The following NR3C2 variants were observed in gnomAD, a reference collection of about 807,000 sequenced individuals.
The protein encoded by NR3C2 is nuclear receptor subfamily 3 group C member 2.
A neutral mutation model predicts 86.4 loss-of-function variants in NR3C2; 15 were observed. The ratio of observed to expected loss-of-function variants is 0.17; its 90% CI spans 0.12 to 0.27. The LOEUF (loss-of-function observed/expected upper bound fraction) is 0.27, where lower values mean the gene tolerates loss of function less well. NR3C2 is among the 10% of genes least tolerant of loss of function. The probability of loss-of-function intolerance (pLI) is 1.00; values close to 1 mark genes in which losing one functional copy is unlikely to be tolerated. For synonymous variants in NR3C2, 458 were observed against 450.5 expected, an observed-to-expected ratio of 1.02 and a Z score of -0.21; for missense variants, 960 against 1,195.6, an observed-to-expected ratio of 0.80 and a Z score of 2.91.
chr4:148,278,473 CA>C (rs1391916510), intron 2 of NR3C2, among the ~76,000 whole-genome samples: 1 of 152,120 alleles, frequency 6.6e-6, no homozygotes, highest in East Asian at 1.9e-4. Flanking sequence ...AAATGATGTG[CA>C]AAAAACTTTC....
At chr4:148,184,788 C>G (rs1735815336) in intron 4 of NR3C2, among the ~76,000 whole-genome samples, 3 of 152,188 alleles carry the variant, frequency 2.0e-5, no homozygotes, top group Admixed American at 2.0e-4. Flanking sequence ...CACTCACATA[C>G]TACAGAGGGT....
chr4:148,226,031 T>C (rs541179099), intron 3 of NR3C2, among the ~76,000 whole-genome samples: 1 of 152,200 alleles, frequency 6.6e-6, no homozygotes, highest in Non-Finnish European at 1.5e-5. Flanking sequence ...TCCTAAGATA[T>C]GTGTAATCAG....
At chr4:148,265,092 A>G (rs567516506) in intron 2 of NR3C2, among the ~76,000 whole-genome samples, 1 of 152,344 alleles carries the variant, frequency 6.6e-6, no homozygotes, top group South Asian at 2.1e-4. Context: ...AAGGTAGTTC[A>G]GAGGATTTTA....
chr4:148,280,287 C>T (rs980113920), intron 2 of NR3C2, among the ~76,000 whole-genome samples: 1 of 152,020 alleles, frequency 6.6e-6, no homozygotes, highest in Non-Finnish European at 1.5e-5. Context: ...ATCCTATTTC[C>T]CTGGAGAAAT....
At chr4:148,437,274 TG>T (rs948012657) in intron 1 of NR3C2, among the ~76,000 whole-genome samples, 2 of 152,164 alleles carry the variant, frequency 1.3e-5, no homozygotes, top group Non-Finnish European at 2.9e-5. Context: ...GTGACAAAGT[TG>T]GGTTTAAATC....
chr4:148,254,521 C>T (rs967933473), intron 3 of NR3C2, among the ~76,000 whole-genome samples: 51 of 152,282 alleles, frequency 3.3e-4, no homozygotes, highest in Middle Eastern at 3.4e-3. Context: ...TATGTGTTCC[C>T]ATAACAACCA....
chr4:148,088,683 G>A (rs1730926546), intron 8 of NR3C2, among the ~76,000 whole-genome samples: 1 of 151,828 alleles, frequency 6.6e-6, no homozygotes, highest in African/African-American at 2.4e-5. Flanking sequence ...ATGGACACAG[G>A]GAGGGGAACA....
chr4:148,396,132 A>C (rs1747847497), intron 2 of NR3C2, among the ~76,000 whole-genome samples: 1 of 152,262 alleles, frequency 6.6e-6, no homozygotes, highest in Admixed American at 6.5e-5. Context: ...CAAATGTCTA[A>C]AACAAAATAG....
chr4:148,122,716 A>G (rs188624547), intron 6 of NR3C2, among the ~76,000 whole-genome samples: 1 of 152,292 alleles, frequency 6.6e-6, no homozygotes, highest in African/African-American at 2.4e-5. Context: ...TCATTTTAAT[A>G]TGGACATTTA....
At chr4:148,367,729 C>T (rs942307057) in intron 2 of NR3C2, among the ~76,000 whole-genome samples, 8 of 151,900 alleles carry the variant, frequency 5.3e-5, no homozygotes, top group African/African-American at 1.9e-4. Flanking sequence ...AAGATTTATG[C>T]TCAGCATTAC....
intron 2 of NR3C2, among the ~76,000 whole-genome samples, chr4:148,272,207 A>G (rs949799008): frequency 3.4e-4 from 52 of 152,214 alleles, no homozygotes; most frequent in African/African-American, 1.2e-3. Context: ...CCTGGAAAGT[A>G]AAGGAATATT....
chr4:148,134,810 G>A (rs1264476418), intron 6 of NR3C2, among the ~76,000 whole-genome samples: 3 of 151,050 alleles, frequency 2.0e-5, no homozygotes, highest in South Asian at 2.1e-4. Context: ...CACCTTGCCC[G>A]GCTAATTTTT....
chr4:148,279,564 A>G (rs775641523), intron 2 of NR3C2, among the ~76,000 whole-genome samples: 1 of 152,344 alleles, frequency 6.6e-6, no homozygotes, highest in Non-Finnish European at 1.5e-5. Flanking sequence ...TATCAACCAG[A>G]AAGATTCAAA....
chr4:148,116,440 G>A (rs1334488158), intron 7 of NR3C2, among the ~76,000 whole-genome samples: 1 of 152,190 alleles, frequency 6.6e-6, no homozygotes, highest in Non-Finnish European at 1.5e-5. Flanking sequence ...ATGCAGCAGA[G>A]CTGCTGGAAA....
At chr4:148,441,914 C>G (rs1750361400) in intron 1 of NR3C2, among the ~76,000 whole-genome samples, 2 of 152,224 alleles carry the variant, frequency 1.3e-5, no homozygotes, top group Non-Finnish European at 2.9e-5. Context: ...CCTCCCACTG[C>G]CAAAGGCAGT....
chr4:148,358,801 G>A (rs1353370081), intron 2 of NR3C2, among the ~76,000 whole-genome samples: 1 of 152,046 alleles, frequency 6.6e-6, no homozygotes, highest in East Asian at 1.9e-4. Flanking sequence ...ATCCATTAGA[G>A]TACCTGGCTA....
chr4:148,252,183 G>C (rs1739610896), intron 3 of NR3C2, among the ~76,000 whole-genome samples: 1 of 152,130 alleles, frequency 6.6e-6, no homozygotes, highest in Non-Finnish European at 1.5e-5. Flanking sequence ...AGACAATCAA[G>C]TTCCTAGCGT....
chr4:148,351,696 G>A (rs763180369), intron 2 of NR3C2, among the ~76,000 whole-genome samples: 1 of 152,190 alleles, frequency 6.6e-6, no homozygotes, highest in Non-Finnish European at 1.5e-5. Flanking sequence ...CAGTTGGCAA[G>A]TGATCAATCA....
At chr4:148,323,409 A>T (rs1743748447) in intron 2 of NR3C2, among the ~76,000 whole-genome samples, 1 of 147,098 alleles carries the variant, frequency 6.8e-6, no homozygotes. Flanking sequence ...GGCTCCACCC[A>T]GTTCGAGCTT....
Sources: gnomAD v4.1 joint callset for allele counts (sites outside exome capture counted in the v4.1 genomes callset) on GRCh38, gnomAD v4.1.1 for gene constraint, MANE v1.5 for transcripts, NCBI Gene and HGNC (gene_info 2026-07-23, HGNC 2026-07-21) for gene names.